Variants in TMEFF2 observed in about 807,000 individuals in gnomAD.
TMEFF2 encodes the protein tomoregulin-2.
TMEFF2 carries 28 observed loss-of-function variants against 53.8 expected under a neutral mutation model. The observed-to-expected ratio is 0.52, with a 90% CI of 0.39 to 0.71. TMEFF2 has a LOEUF of 0.71. Among genes scored for constraint, TMEFF2 ranks in the 30% least tolerant of loss-of-function variants. The probability of loss-of-function intolerance (pLI) is 0.00; values close to 1 mark genes in which losing one functional copy is unlikely to be tolerated. For missense variants in TMEFF2, 353 were observed against 455.2 expected (o/e 0.78, Z 2.04); for synonymous variants, 162 against 166.3 (o/e 0.97, Z 0.20).
chr2:191,981,207 C>G (rs534723204), intron 7 of TMEFF2, among the ~76,000 whole-genome samples: 1 of 152,288 alleles, frequency 6.6e-6, no homozygotes, highest in African/African-American at 2.4e-5. Context: ...AACTACTACT[C>G]TCACTTAGCT....
chr2:191,960,858 T>C (rs1032660879), intron 7 of TMEFF2, among the ~76,000 whole-genome samples: 1 of 152,172 alleles, frequency 6.6e-6, no homozygotes, highest in East Asian at 1.9e-4. Context: ...CTTCTGGTGG[T>C]ATTGAAAGGA....
chr2:192,113,022 AACTG>A (rs1375263681), intron 4 of TMEFF2, among the ~76,000 whole-genome samples: 3 of 152,176 alleles, frequency 2.0e-5, no homozygotes, highest in Non-Finnish European at 2.9e-5. Context: ...GCAGTGTGGA[AACTG>A]ACTAATAAAA....
intron 7 of TMEFF2, among the ~76,000 whole-genome samples, chr2:191,985,464 A>T (rs1047160979): frequency 6.6e-6 from 1 of 151,618 alleles, no homozygotes. Flanking sequence ...GACTTTTAGC[A>T]TAAAACTAGT....
At chr2:192,049,734 G>A (rs1455013266) in intron 5 of TMEFF2, among the ~76,000 whole-genome samples, 1 of 152,204 alleles carries the variant, frequency 6.6e-6, no homozygotes, top group Non-Finnish European at 1.5e-5. Flanking sequence ...AGGTGCGATG[G>A]CTTATACCTG....
intron 4 of TMEFF2, among the ~76,000 whole-genome samples, chr2:192,160,554 C>T (rs150118031): frequency 3.5e-3 from 537 of 152,064 alleles, no homozygotes; most frequent in East Asian, 0.011. Context: ...GCAGCAGCAA[C>T]AAAAACAACA....
intron 4 of TMEFF2, among the ~76,000 whole-genome samples, chr2:192,058,058 T>C (rs1687954176): frequency 6.6e-6 from 1 of 152,226 alleles, no homozygotes; most frequent in African/African-American, 2.4e-5. Context: ...ATTTGCCTAA[T>C]AGACCATATG....
chr2:192,041,388 G>A (rs578026194), intron 5 of TMEFF2, among the ~76,000 whole-genome samples: 1 of 152,278 alleles, frequency 6.6e-6, no homozygotes, highest in East Asian at 1.9e-4. Context: ...TTAGACCTGT[G>A]AAATGTGAAT....
intron 5 of TMEFF2, chr2:192,028,490 G>C (rs1222958439): frequency 6.6e-6 from 1 of 151,946 alleles, no homozygotes; most frequent in Non-Finnish European, 1.5e-5. Flanking sequence ...GTGTGTGTGT[G>C]TGTGTGTGTG....
intron 1 of TMEFF2, among the ~76,000 whole-genome samples, chr2:192,193,957 A>G (rs986102886): frequency 5.3e-5 from 8 of 152,178 alleles, no homozygotes; most frequent in Non-Finnish European, 1.2e-4. Flanking sequence ...TCTTTCTCAT[A>G]AAGTTATTTC....
intron 4 of TMEFF2, among the ~76,000 whole-genome samples, chr2:192,119,794 C>T (rs921811736): frequency 1.3e-5 from 2 of 152,176 alleles, no homozygotes; most frequent in Non-Finnish European, 2.9e-5. Context: ...AATGAATTGA[C>T]AGCAGTGTAG....
chr2:192,106,801 G>A (rs939993214), intron 4 of TMEFF2, among the ~76,000 whole-genome samples: 1 of 151,792 alleles, frequency 6.6e-6, no homozygotes, highest in African/African-American at 2.4e-5. Context: ...CAGATAACAT[G>A]TAAAAATACA....
chr2:192,126,152 AC>A (rs1689673673), intron 4 of TMEFF2, among the ~76,000 whole-genome samples: 1 of 152,230 alleles, frequency 6.6e-6, no homozygotes, highest in Non-Finnish European at 1.5e-5. Flanking sequence ...ACATGTATCA[AC>A]CCAGTGGTAA....
chr2:192,132,651 G>A (rs1689872968), intron 4 of TMEFF2, among the ~76,000 whole-genome samples: 2 of 152,054 alleles, frequency 1.3e-5, no homozygotes. Flanking sequence ...CGCCTGAACT[G>A]CAGCGGCCAG....
At chr2:192,053,029 T>C (rs1309618755) in intron 5 of TMEFF2, among the ~76,000 whole-genome samples, 1 of 152,200 alleles carries the variant, frequency 6.6e-6, no homozygotes, top group Non-Finnish European at 1.5e-5. Flanking sequence ...TCTGATTTTT[T>C]ACAGCCTTGA....
intron 7 of TMEFF2, among the ~76,000 whole-genome samples, chr2:191,973,028 A>C (rs1692693396): frequency 6.6e-6 from 1 of 152,214 alleles, no homozygotes; most frequent in Admixed American, 6.5e-5. Flanking sequence ...CTAAAGTAGG[A>C]GGAAGGACAT....
intron 7 of TMEFF2, among the ~76,000 whole-genome samples, chr2:191,984,464 G>A (rs1209546167): frequency 6.6e-6 from 1 of 151,992 alleles, no homozygotes; most frequent in Non-Finnish European, 1.5e-5. Flanking sequence ...AAAAGTTTAT[G>A]TTTCTATTCA....
intron 7 of TMEFF2, among the ~76,000 whole-genome samples, chr2:191,993,766 C>T (rs1686160072): frequency 6.6e-6 from 1 of 151,964 alleles, no homozygotes; most frequent in African/African-American, 2.4e-5. Flanking sequence ...ATTCTATGCT[C>T]TAGGATGTTG....
Position 192,093,573 on chromosome 2 carries a change from C to T in TMEFF2, c.440-35798G>A, listed in dbSNP as rs530622404. 5.9e-5 allele frequency among the ~76,000 whole-genome samples: 9 copies of T among 152,222 alleles called. No individual in the cohort carries two copies. The South Asian group carries it at 1.9e-3, about 32-fold the overall frequency. On this transcript the variant is annotated intron_variant, in intron 4 of 9. Transcript: ENST00000272771. ...CAAGTGCCAAATCTGAATTCCAAGACTTCAACAGCGTAAGATATTTCTATC... is the reference window on the plus strand; with the variant it reads ...CAAGTGCCAAATCTGAATTCCAAGATTTCAACAGCGTAAGATATTTCTATC...
intron 4 of TMEFF2, among the ~76,000 whole-genome samples, chr2:192,111,344 G>C (rs184196129): frequency 1.3e-5 from 2 of 152,262 alleles, no homozygotes; most frequent in African/African-American, 4.8e-5. Flanking sequence ...TGGAGATGAG[G>C]AACTTGTTGA....
Sources: allele counts gnomAD v4.1 joint callset (sites outside exome capture counted in the v4.1 genomes callset), GRCh38; gene constraint gnomAD v4.1.1; transcripts MANE v1.5; gene names NCBI Gene and HGNC (gene_info 2026-07-23, HGNC 2026-07-21).